Variants in USP49 observed in about 807,000 individuals in gnomAD.
The protein encoded by USP49 is ubiquitin specific peptidase 49, also known as ubiquitin carboxyl-terminal hydrolase 49.
A neutral mutation model predicts 58.6 loss-of-function variants in USP49; 24 were observed. That is an observed-to-expected ratio of 0.41 (90% CI 0.30 to 0.58). The LOEUF is 0.58. Ranked by LOEUF, USP49 falls within the 20% of genes least tolerant of loss-of-function variation. The pLI, the probability that USP49 is intolerant of heterozygous loss-of-function variation, is 0.30. For synonymous variants in USP49, 408 were observed against 365.1 expected (o/e 1.12, Z -1.34); for missense variants, 703 against 866.1 (o/e 0.81, Z 2.36).
At chr6:41,851,079 T>A (rs1450866121) in intron 3 of USP49, among the ~76,000 whole-genome samples, 1 of 152,114 alleles carries the variant, frequency 6.6e-6, no homozygotes, top group Non-Finnish European at 1.5e-5. Flanking sequence ...AAATAATGAA[T>A]GCCAAGTTTT....
At chr6:41,876,825 A>G (rs971838773) in intron 2 of USP49, among the ~76,000 whole-genome samples, 29 of 152,254 alleles carry the variant, frequency 1.9e-4, no homozygotes, top group Admixed American at 1.9e-3. Flanking sequence ...AGAAAACTTT[A>G]AAGTTTTAAG....
rs9471664 is a variant in USP49 at position 41,802,475 on chromosome 6, A to C, written c.1561+1331T>G. On this transcript the variant is annotated intron_variant, in intron 5 of 7. Transcript: ENST00000682992. ...TTATTTATTTATTTATTTATTTTTTATTTATTTTTTTTTTTTGAGACAGCA... is the reference window on the plus strand; with the variant it reads ...TTATTTATTTATTTATTTATTTTTTCTTTATTTTTTTTTTTTGAGACAGCA... 3.0e-5 allele frequency among the ~76,000 whole-genome samples: 2 copies of C among 66,644 alleles called. 1 individual carries two copies. Among genetic ancestry groups the C allele is most frequent in the African/African-American group, 1.4e-4 (2 of 13,822 alleles). The allele number at this position is 66,644 out of a possible 152,430, so 43.7% of individuals were successfully genotyped here.
intron 3 of USP49, among the ~76,000 whole-genome samples, chr6:41,862,720 G>A (rs1303961712): frequency 6.6e-6 from 1 of 152,154 alleles, no homozygotes; most frequent in Non-Finnish European, 1.5e-5. Flanking sequence ...CAGAAGACAT[G>A]TTAGATGTTC....
rs147950202 is a variant in USP49 at position 41,827,083 on chromosome 6, T to C, written c.-28-20072A>G. ...ATACCTCGGCTACAGGGAGAGAATG[T>C]AATAACAACCAAACTCAAATACTAG... On this transcript the variant is annotated intron_variant, in intron 3 of 7. Coordinates refer to ENST00000682992, the MANE Select transcript of USP49 (RefSeq NM_001286554.2). Among the ~76,000 whole-genome samples the C allele has an allele frequency of 3.6e-3, 552 of 152,306 alleles. 2 individuals carry two copies. The highest frequency in any genetic ancestry group is 0.013 in the African/African-American group (532 of 41,576).
chr6:41,844,560 GT>G (rs2127347899), intron 3 of USP49, among the ~76,000 whole-genome samples: 1 of 152,196 alleles, frequency 6.6e-6, no homozygotes, highest in African/African-American at 2.4e-5. Context: ...TGATCCGCCT[GT>G]CTTGGCCTCC....
At position 41,862,489 on chromosome 6, in the gene USP49, T is replaced by G. The variant is rs1027257690; in HGVS notation, c.-29+9075A>C. On this transcript the variant is annotated intron_variant, in intron 3 of 7. Transcript: ENST00000682992. ...CTTTTCTATTGGGCTCTCAGCCTTG[T>G]AAAATTGATTTCTAAAAATATTTTG... Among the ~76,000 whole-genome samples, 4 of 152,242 alleles carry G rather than the reference T, an allele frequency of 2.6e-5. No homozygotes were observed. In the East Asian group the frequency reaches 7.7e-4, roughly 29 times the overall value.
chr6:41,802,300 G>A (rs983902526), intron 5 of USP49, among the ~76,000 whole-genome samples: 32 of 151,522 alleles, frequency 2.1e-4, no homozygotes, highest in Admixed American at 1.6e-3. Flanking sequence ...GGGATTACAG[G>A]TATGAGCCAC....
intron 3 of USP49, among the ~76,000 whole-genome samples, chr6:41,844,474 C>A: frequency 6.6e-6 from 1 of 151,950 alleles, no homozygotes; most frequent in East Asian, 2.0e-4. Flanking sequence ...CCACCATGCT[C>A]GGCTAGTTTT....
At chr6:41,831,580 C>CAA (rs57125790) in intron 3 of USP49, among the ~76,000 whole-genome samples, 3 of 114,292 alleles carry the variant, frequency 2.6e-5, no homozygotes, top group African/African-American at 3.3e-5. Flanking sequence ...AACTCCATCT[C>CAA]AAAAAAAAAA....
intron 3 of USP49, among the ~76,000 whole-genome samples, chr6:41,809,116 T>A (rs1773197633): frequency 6.6e-6 from 1 of 151,814 alleles, no homozygotes; most frequent in Non-Finnish European, 1.5e-5. Flanking sequence ...CTCACTATGT[T>A]GCCCAGGCTG....
At chr6:41,802,029 T>TC (rs1388538899) in intron 5 of USP49, among the ~76,000 whole-genome samples, 2 of 152,118 alleles carry the variant, frequency 1.3e-5, no homozygotes, top group Non-Finnish European at 2.9e-5. Flanking sequence ...ATCACTGTTT[T>TC]TTTTTTTTTA....
chr6:41,796,929 T>C (rs928445667), intron 7 of USP49, among the ~76,000 whole-genome samples: 1 of 150,918 alleles, frequency 6.6e-6, no homozygotes, highest in Non-Finnish European at 1.5e-5. Context: ...ACGGTACTGC[T>C]TATCGACTGA....
chr6:41,877,612 G>C (rs1774525397), intron 2 of USP49, among the ~76,000 whole-genome samples: 1 of 149,824 alleles, frequency 6.7e-6, no homozygotes, highest in African/African-American at 2.5e-5. Flanking sequence ...GCCCAGGCTA[G>C]AGGGTAGTGG....
At chr6:41,832,281 T>C (rs1773648172) in intron 3 of USP49, among the ~76,000 whole-genome samples, 1 of 152,192 alleles carries the variant, frequency 6.6e-6, no homozygotes. Flanking sequence ...ACAGAGACAA[T>C]TATCTTCTGA....
At chr6:41,860,312 T>C (rs1217047148) in intron 3 of USP49, among the ~76,000 whole-genome samples, 1 of 151,698 alleles carries the variant, frequency 6.6e-6, no homozygotes, top group African/African-American at 2.4e-5. Context: ...GGTGAGGCAG[T>C]TGAGAGACAG....
At chr6:41,811,778 A>C (rs1172210714) in intron 3 of USP49, among the ~76,000 whole-genome samples, 1 of 152,218 alleles carries the variant, frequency 6.6e-6, no homozygotes, top group Non-Finnish European at 1.5e-5. Flanking sequence ...ATAGTAAATA[A>C]ATGAATTTTC....
At chr6:41,851,915 C>A (rs1774035279) in intron 3 of USP49, among the ~76,000 whole-genome samples, 1 of 129,370 alleles carries the variant, frequency 7.7e-6, no homozygotes, top group Non-Finnish European at 1.5e-5. Context: ...GATCGCGCCA[C>A]TGCACTCCAG....
chr6:41,891,641 C>T (rs1277308962), intron 2 of USP49, among the ~76,000 whole-genome samples, 153 bp downstream of exon 2: 2 of 151,714 alleles, frequency 1.3e-5, no homozygotes, highest in African/African-American at 2.4e-5. Flanking sequence ...CAAGAGGAAA[C>T]AAACACATAT....
At chr6:41,869,762 T>C (rs1320483566) in intron 3 of USP49, 1 of 150,438 alleles carries the variant, frequency 6.6e-6, no homozygotes, top group Admixed American at 6.6e-5. Context: ...TCCTTCAAAA[T>C]AGATTGACAG....
Sources: gnomAD v4.1 joint callset for allele counts (sites outside exome capture counted in the v4.1 genomes callset) on GRCh38, gnomAD v4.1.1 for gene constraint, MANE v1.5 for transcripts, NCBI Gene and HGNC (gene_info 2026-07-23, HGNC 2026-07-21) for gene names.